The following ADAM22 variants were observed in gnomAD, a reference collection of about 807,000 sequenced individuals.
ADAM22 encodes disintegrin and metalloproteinase domain-containing protein 22.
ADAM22 carries 65 observed loss-of-function variants against 144.6 expected under a neutral mutation model. The observed-to-expected ratio is 0.45, with a 90% confidence interval of 0.37 to 0.55. ADAM22 has a LOEUF of 0.55. Ranked by LOEUF, ADAM22 falls within the 20% of genes least tolerant of loss-of-function variation. The pLI is 0.00. For synonymous variants in ADAM22, 391 were observed against 412.6 expected (o/e 0.95, Z 0.63); for missense variants, 974 against 1,184.9 (o/e 0.82, Z 2.61).
At chr7:88,084,449 A>G (rs946227628) in intron 4 of ADAM22, among the ~76,000 whole-genome samples, 3 of 152,030 alleles carry the variant, frequency 2.0e-5, no homozygotes, top group Non-Finnish European at 4.4e-5. Flanking sequence ...TGTCACCTCC[A>G]TTTGTTTCCA....
intron 2 of ADAM22, among the ~76,000 whole-genome samples, chr7:87,960,174 A>G (rs887947678): frequency 6.6e-6 from 1 of 152,188 alleles, no homozygotes; most frequent in African/African-American, 2.4e-5. Flanking sequence ...TGAATTTCTA[A>G]CAGTTTTAAA....
intron 3 of ADAM22, among the ~76,000 whole-genome samples, chr7:87,980,585 C>T (rs568069905): frequency 6.6e-6 from 1 of 151,918 alleles, no homozygotes; most frequent in East Asian, 1.9e-4. Context: ...CTTCTGGTTG[C>T]AGAATGGATC....
chr7:88,142,580 T>G (rs1190169677), intron 14 of ADAM22, among the ~76,000 whole-genome samples: 1 of 152,170 alleles, frequency 6.6e-6, no homozygotes. Context: ...GGCTCACACC[T>G]GTAATCCCAG....
chr7:88,128,075 C>T (rs1352613820), intron 8 of ADAM22, among the ~76,000 whole-genome samples: 2 of 152,002 alleles, frequency 1.3e-5, no homozygotes, highest in Admixed American at 6.6e-5. Flanking sequence ...GCACATGACT[C>T]ACTCCCAGTT....
intron 3 of ADAM22, among the ~76,000 whole-genome samples, chr7:88,052,576 CAT>C (rs1471400608): frequency 6.6e-6 from 1 of 152,064 alleles, no homozygotes; most frequent in African/African-American, 2.4e-5. Flanking sequence ...CTTTAGCAAA[CAT>C]AACCTAAAAT....
chr7:88,038,786 T>TTC (rs1802192990), intron 3 of ADAM22, among the ~76,000 whole-genome samples: 1 of 139,192 alleles, frequency 7.2e-6, no homozygotes, highest in East Asian at 2.0e-4. Flanking sequence ...CTTCTTCTTC[T>TTC]TTTTTTTTTT....
chr7:87,993,486 C>A (rs1397203819), intron 3 of ADAM22, among the ~76,000 whole-genome samples: 2 of 152,138 alleles, frequency 1.3e-5, no homozygotes, highest in Admixed American at 6.5e-5. Flanking sequence ...TAGCCCTGGG[C>A]ACACTGTGAA....
intron 3 of ADAM22, among the ~76,000 whole-genome samples, chr7:88,054,117 G>A (rs531759141): frequency 3.9e-5 from 6 of 152,212 alleles, no homozygotes; most frequent in Non-Finnish European, 8.8e-5. Context: ...GAGCGACAGA[G>A]CGAGACTCCA....
intron 3 of ADAM22, among the ~76,000 whole-genome samples, chr7:88,015,691 C>T (rs1038168004): frequency 6.6e-6 from 1 of 152,142 alleles, no homozygotes; most frequent in Non-Finnish European, 1.5e-5. Flanking sequence ...AGAAGCCAGG[C>T]AGCTTGGATT....
At chr7:88,094,865 G>A (rs1473663805) in intron 4 of ADAM22, among the ~76,000 whole-genome samples, 1 of 152,188 alleles carries the variant, frequency 6.6e-6, no homozygotes, top group African/African-American at 2.4e-5. Context: ...GTGGTTTGAG[G>A]ACAGTAAAGC....
chr7:88,038,785 C>CT lies in ADAM22; in HGVS notation c.324-36827dup, dbSNP rs746941738. Among the ~76,000 whole-genome samples, 426 of 137,860 alleles carry CT rather than the reference C, an allele frequency of 3.1e-3. 5 individuals are homozygous for CT. The highest frequency in any genetic ancestry group is 3.4e-3 in the Non-Finnish European group (212 of 62,752). The allele number at this position is 137,860 out of a possible 152,430, so 90.4% of individuals were successfully genotyped here. A position where few individuals can be genotyped will look rare whatever the true frequency, so the allele number is the denominator to read the frequency against. ...ATAATAGATATTTCTTCTTCTTCTT[C>CT]TTTTTTTTTTTTTTAGACAGAGTCT... On this transcript the variant is annotated intron_variant, in intron 3 of 31. Coordinates refer to ENST00000413139, the MANE Select transcript of ADAM22 (RefSeq NM_001324418.2).
chr7:88,070,345 A>G (rs773220021), intron 3 of ADAM22, among the ~76,000 whole-genome samples: 5 of 152,160 alleles, frequency 3.3e-5, no homozygotes, highest in Non-Finnish European at 7.3e-5. Flanking sequence ...GGCCCTTAAT[A>G]GTTTTCGGAA....
chr7:88,032,641 G>T (rs941190039), intron 3 of ADAM22, among the ~76,000 whole-genome samples: 1 of 152,156 alleles, frequency 6.6e-6, no homozygotes, highest in Non-Finnish European at 1.5e-5. Flanking sequence ...CATGAGATTC[G>T]GTGGGGGAGG....
chr7:88,032,934 C>T (rs1338105903), intron 3 of ADAM22, among the ~76,000 whole-genome samples: 1 of 152,198 alleles, frequency 6.6e-6, no homozygotes, highest in East Asian at 1.9e-4. Context: ...CTGAGGCCTT[C>T]CCAGAAGTAG....
At chr7:87,941,372 T>C (rs528843912) in intron 2 of ADAM22, among the ~76,000 whole-genome samples, 45 of 152,368 alleles carry the variant, frequency 3.0e-4, no homozygotes, top group African/African-American at 1.1e-3. Context: ...AGCTGTACTT[T>C]ACATTGTGCT....
At chr7:88,123,212 A>G (rs903615989) in intron 7 of ADAM22, among the ~76,000 whole-genome samples, 7 of 152,052 alleles carry the variant, frequency 4.6e-5, no homozygotes, top group Admixed American at 2.0e-4. Context: ...CAGAAAGCAT[A>G]TTGGACTGTA....
chr7:87,952,935 T>C (rs1845640961), intron 2 of ADAM22, among the ~76,000 whole-genome samples: 1 of 152,178 alleles, frequency 6.6e-6, no homozygotes, highest in Non-Finnish European at 1.5e-5. Context: ...TGTGTAGAGG[T>C]GTTTGTAGTA....
rs1046372034 is a variant in ADAM22, at chr7:88,173,014, C to T, written c.2300+1453C>T. The stretch of plus-strand genomic sequence containing the variant: ...AAGGCTATAATGTAATTTAATATTG[C>T]TGAATATATGAAAATGAAAGTGAAA... On this transcript the variant is annotated intron_variant, in intron 26 of 31. Transcript: ENST00000413139. Among the ~76,000 whole-genome samples, 4 of 152,012 alleles carry T rather than the reference C, an allele frequency of 2.6e-5. No individual in the cohort carries two copies. The East Asian group carries it at 7.7e-4, about 29-fold the overall frequency.
chr7:87,996,528 A>G (rs1321240339), intron 3 of ADAM22, among the ~76,000 whole-genome samples: 1 of 152,164 alleles, frequency 6.6e-6, no homozygotes, highest in Non-Finnish European at 1.5e-5. Flanking sequence ...ATATAATCAC[A>G]TTGGAGGTTA....
Sources: gnomAD v4.1 joint callset for allele counts (sites outside exome capture counted in the v4.1 genomes callset) on GRCh38, gnomAD v4.1.1 for gene constraint, MANE v1.5 for transcripts, NCBI Gene and HGNC (gene_info 2026-07-23, HGNC 2026-07-21) for gene names.